DNAH17: variants seen among roughly 807,000 people sequenced by gnomAD.
DNAH17 encodes dynein axonemal heavy chain 17, also known as axonemal beta dynein heavy chain 17.
DNAH17 carries 376 observed loss-of-function variants against 485.6 expected under a neutral mutation model. The ratio of observed to expected loss-of-function variants is 0.77; its 90% CI spans 0.71 to 0.84. DNAH17 has a LOEUF of 0.84. Among genes scored for constraint, DNAH17 ranks in the 40% least tolerant of loss-of-function variants. DNAH17 has a pLI of 0.00. For missense variants in DNAH17, 6,370 were observed against 5,839.3 expected (o/e 1.09, Z -2.96); for synonymous variants, 3,031 against 2,405.9 (o/e 1.26, Z -7.60).
Position 78,473,902 on chromosome 17 carries a change from A to T in DNAH17, c.8511+1376T>A, listed in dbSNP as rs567191458. On this transcript the variant is annotated intron_variant, in intron 54 of 80. Transcript: ENST00000389840. Reference sequence around the variant, plus strand: ...TACCAATGTGAACTAACTCCATCAGATGCGCTGAGAACCCATGACACACTA... The same window carrying T: ...TACCAATGTGAACTAACTCCATCAGTTGCGCTGAGAACCCATGACACACTA... Among the ~76,000 whole-genome samples, 4 of 152,350 alleles carry T rather than the reference A, an allele frequency of 2.6e-5. No individual in the cohort carries two copies. In the South Asian group the frequency reaches 8.3e-4, roughly 32 times the overall value.
At chr17:78,443,787 T>C (rs533934465) in intron 71 of DNAH17, among the ~76,000 whole-genome samples, 1 of 152,290 alleles carries the variant, frequency 6.6e-6, no homozygotes, top group East Asian at 1.9e-4. Context: ...TGGGCTCAAG[T>C]GATCCTCCCC....
chr17:78,503,139 G>T, intron 31 of DNAH17, 128 bp from the exon 32 acceptor site: 1 of 819,462 alleles, frequency 1.2e-6, no homozygotes, highest in Non-Finnish European at 1.7e-6. Flanking sequence ...GACAGGTCAA[G>T]GATTTTACAG....
At chr17:78,560,996 C>A in intron 12 of DNAH17, 61 bp from the exon 13 acceptor site, 3 of 1,472,056 alleles carry the variant, frequency 2.0e-6, no homozygotes, top group Non-Finnish European at 2.7e-6. Flanking sequence ...GTCTTCGGCA[C>A]GTCCCATCGT....
intron 68 of DNAH17, 73 bp from the exon 69 acceptor site, chr17:78,449,657 C>A: frequency 1.5e-6 from 2 of 1,303,528 alleles, no homozygotes; most frequent in South Asian, 1.3e-5. Flanking sequence ...CCACCACTCC[C>A]TGCCACCTGT....
At position 78,455,469 on chromosome 17, in the gene DNAH17, C is replaced by T. The variant is rs191633286; in HGVS notation, c.10170+175G>A. ...GCCTCCCCAGTAGCTGGGATTAAGG[C>T]GCCCCCCACCAAGCCTGGCTAATTT... On this transcript the variant is annotated intron_variant, in intron 63 of 80. Transcript: ENST00000389840. Among the ~76,000 whole-genome samples the T allele has an allele frequency of 6.7e-3, 1,021 of 151,750 alleles. 12 individuals carry two copies. Among genetic ancestry groups the T allele is most frequent in the African/African-American group, 0.022 (918 of 41,358 alleles).
chr17:78,498,279 T>C (rs138789410), intron 37 of DNAH17, among the ~76,000 whole-genome samples: 4 of 152,340 alleles, frequency 2.6e-5, no homozygotes, highest in Non-Finnish European at 5.9e-5. Context: ...TGGTCTATCC[T>C]GTGGTGGGAG....
chr17:78,550,668 A>G (rs898476509), intron 16 of DNAH17, among the ~76,000 whole-genome samples: 1 of 152,202 alleles, frequency 6.6e-6, no homozygotes, highest in Non-Finnish European at 1.5e-5. Flanking sequence ...TCCAGCCTCC[A>G]GAACTGTGAG....
In DNAH17 at chr17:78,449,518, C is replaced by G. The variant is rs1018081944; in HGVS notation, c.11107G>C (p.Val3703Leu). ...TTPANEVKQR[V>L]INLTDEITYS... ...GTGATCTCGTCCGTCAGGTTGATCA[C>G]CCGCTGCTTCACCTCGTTGGCAGGG... The change falls in exon 69 of 81, where the codon GTG (valine) becomes CTG (leucine). Residue 3703 changes from valine to leucine, a missense_variant. Physicochemically the swap from Val to Leu is conservative, Grantham distance 32. Transcript: ENST00000389840. 1 of 1,596,250 alleles carries G rather than the reference C, an allele frequency of 6.3e-7. No individual in the cohort carries two copies. Among genetic ancestry groups the G allele is most frequent in the Non-Finnish European group, 8.5e-7 (1 of 1,171,604 alleles).
chr17:78,536,416 C>T (rs1262967759), intron 19 of DNAH17, among the ~76,000 whole-genome samples: 1 of 152,190 alleles, frequency 6.6e-6, no homozygotes, highest in African/African-American at 2.4e-5. Context: ...TGCTACTGCA[C>T]TCCAGCCTGG....
At position 78,526,978 on chromosome 17, in the gene DNAH17, C is replaced by T. The variant is rs2143262641; in HGVS notation, c.3526G>A (p.Ala1176Thr). 1.3e-6 allele frequency: 2 copies of T among 1,582,468 alleles called. No individual in the cohort carries two copies. The highest frequency in any genetic ancestry group is 1.7e-6 in the Non-Finnish European group (2 of 1,164,246). Residue 1176 changes from alanine to threonine, a missense_variant, in exon 23 of 81, where the codon GCA becomes ACA. Transcript: ENST00000389840. ...LKLQELPEHWANTKKLAIQVK... is the reference protein window; with the variant it reads ...LKLQELPEHWTNTKKLAIQVK... The stretch of plus-strand genomic sequence containing the variant: ...TGAATGGCCAGTTTCTTGGTATTTG[C>T]CCAGTGCTCCGGCAGCTCCTGCGGG...
chr17:78,438,442 GGA>G, intron 73 of DNAH17, among the ~76,000 whole-genome samples: 1 of 106,236 alleles, frequency 9.4e-6, no homozygotes, highest in Non-Finnish European at 1.9e-5. Context: ...AGGAGGAGGA[GGA>G]GGGAGGAGGG....
chr17:78,472,409 A>T (rs2088804180), intron 54 of DNAH17, among the ~76,000 whole-genome samples: 1 of 151,942 alleles, frequency 6.6e-6, no homozygotes, highest in Non-Finnish European at 1.5e-5. Flanking sequence ...GAATAACATG[A>T]GGCCAAGCCC....
chr17:78,453,591 C>T (rs2087650882), intron 64 of DNAH17, 126 bp from the exon 65 acceptor site: 2 of 1,267,686 alleles, frequency 1.6e-6, no homozygotes, highest in Middle Eastern at 2.7e-4. Context: ...CCTAGGAGCC[C>T]ACAACTTGTT....
chr17:78,454,597 C>T lies in DNAH17; in HGVS notation c.10279G>A (p.Glu3427Lys), dbSNP rs755585453. The change falls in exon 64 of 81, where the codon GAG becomes AAG. Residue 3427 changes from glutamate (E) to lysine (K), a missense_variant. Transcript: ENST00000389840. The part of the protein sequence containing the change: ...QGLPSDRMST[E>K]NATILGNTER... ...GTGTTGCCCAGGATGGTGGCATTCT[C>T]GGTGGACATGCGGTCGCTGGGGAGG... is the stretch of plus-strand genomic sequence containing the variant. 6.2e-6 allele frequency: 10 copies of T among 1,612,812 alleles called. No individual in the cohort carries two copies. Among genetic ancestry groups the T allele is most frequent in the South Asian group, 3.3e-5 (3 of 91,064 alleles).
chr17:78,445,569 C>T lies in DNAH17; in HGVS notation c.11323G>A (p.Gly3775Ser), dbSNP rs1182472951. ...GTCTAAAGACGAACCTTGATCCCGC[C>T]CCAGCCTTGATGCTGGAGGAAGTCC... is the stretch of plus-strand genomic sequence containing the variant. The part of the protein sequence containing the change: ...PVDFLQHQGW[G>S]GIKALSEMDE... The change falls in exon 70 of 81, where the codon GGC (glycine) becomes AGC (serine). Residue 3775 changes from glycine to serine, a missense_variant. Physicochemically the swap from Gly to Ser is moderately conservative, Grantham distance 56 (BLOSUM62 0). Transcript: ENST00000389840. 1 of 1,561,780 alleles carries T rather than the reference C, an allele frequency of 6.4e-7. No individual in the cohort carries two copies. The highest frequency in any genetic ancestry group is 1.2e-5 in the South Asian group (1 of 84,776).
chr17:78,499,174 AG>A, intron 36 of DNAH17, 62 bp from the exon 37 acceptor site: 1 of 1,215,250 alleles, frequency 8.2e-7, no homozygotes, highest in Non-Finnish European at 1.1e-6. Flanking sequence ...CGGGCGCTGC[AG>A]GGGCCTCCCC....
Position 78,424,109 on chromosome 17 carries a change from G to A in DNAH17, c.13186C>T (p.Leu4396=). 1.2e-6 allele frequency: 2 copies of A among 1,613,714 alleles called. No individual in the cohort carries two copies. The highest frequency in any genetic ancestry group is 2.2e-5 in the East Asian group (1 of 44,884). ...TQTGVIAEAR[L]KELTPAMPVI... ...GGCATGGCCGGGGTCAGCTCTTTCA[G>A]CCGCGCTTCAGCGATGACTCCAGTC... The change falls in exon 81 of 81, where the codon CTG becomes TTG. Residue 4396 remains leucine (L), a synonymous_variant. Coordinates refer to ENST00000389840, the MANE Select transcript of DNAH17 (RefSeq NM_173628.4).
intron 71 of DNAH17, 101 bp downstream of exon 71, chr17:78,444,503 G>T (rs2087197639): frequency 8.5e-7 from 1 of 1,172,124 alleles, no homozygotes; most frequent in Non-Finnish European, 1.2e-6. Context: ...AAGTTCAGGG[G>T]ATCAACTCAA....
rs934367294 is a variant in DNAH17 at position 78,530,647 on chromosome 17, G to A, written c.3115-135C>T. ...GCCGGCCACTCTGGGGCCAGGGTCA[G>A]CAAAGGGCAGTACGGGACACATGGG... On this transcript the variant is annotated intron_variant, in intron 20 of 80. Coordinates refer to ENST00000389840, the MANE Select transcript of DNAH17 (RefSeq NM_173628.4). 2.0e-5 allele frequency: 21 copies of A among 1,036,956 alleles called. No homozygotes were observed. The African/African-American group carries it at 3.3e-4, about 16-fold the overall frequency. The allele number at this position is 1,036,956 out of a possible 1,614,324, so 64.2% of individuals were successfully genotyped here.
Sources: gnomAD v4.1 joint callset for allele counts (sites outside exome capture counted in the v4.1 genomes callset) on GRCh38, gnomAD v4.1.1 for gene constraint, MANE v1.5 for transcripts, NCBI Gene and HGNC (gene_info 2026-07-23, HGNC 2026-07-21) for gene names.